ENPP6: variants seen among roughly 807,000 people sequenced by gnomAD.
ENPP6 encodes the protein ectonucleotide pyrophosphatase/phosphodiesterase 6.
ENPP6 carries 32 observed loss-of-function variants against 42.0 expected under a neutral mutation model. The ratio of observed to expected loss-of-function variants is 0.76; its 90% CI spans 0.58 to 1.02. ENPP6 has a LOEUF of 1.02. Ranked by LOEUF, ENPP6 falls within the 50% of genes least tolerant of loss-of-function variation. The pLI is 0.00. For missense variants in ENPP6, 552 were observed against 566.8 expected (o/e 0.97, Z 0.27); for synonymous variants, 213 against 216.0 (o/e 0.99, Z 0.12).
chr4:184,178,566 C>T (rs567327856), intron 1 of ENPP6, among the ~76,000 whole-genome samples: 1 of 152,284 alleles, frequency 6.6e-6, no homozygotes, highest in South Asian at 2.1e-4. Context: ...CCCTAAGACA[C>T]ATAATCATCA....
At chr4:184,103,283 G>A (rs1736035635) in intron 6 of ENPP6, among the ~76,000 whole-genome samples, 1 of 152,248 alleles carries the variant, frequency 6.6e-6, no homozygotes, top group Non-Finnish European at 1.5e-5. Context: ...CTCATGGGGT[G>A]TGGGGTCAGG....
chr4:184,102,267 C>T (rs1157327384), intron 6 of ENPP6, among the ~76,000 whole-genome samples: 1 of 152,072 alleles, frequency 6.6e-6, no homozygotes, highest in Non-Finnish European at 1.5e-5. Flanking sequence ...CTGGGGAGCA[C>T]ACTCAGAAAT....
At chr4:184,099,796 T>A (rs542400149) in intron 6 of ENPP6, among the ~76,000 whole-genome samples, 13 of 152,364 alleles carry the variant, frequency 8.5e-5, no homozygotes, top group African/African-American at 2.9e-4. Flanking sequence ...TCCTTATCTG[T>A]CCATGGTGAT....
At chr4:184,152,995 A>G (rs1737082024) in intron 2 of ENPP6, among the ~76,000 whole-genome samples, 2 of 151,836 alleles carry the variant, frequency 1.3e-5, no homozygotes, top group East Asian at 1.9e-4. Context: ...CATTTTGCAC[A>G]TGAAAAAAAG....
rs143356286 is a variant in ENPP6 at position 184,203,706 on chromosome 4, C to T, written c.241+13873G>A. On this transcript the variant is annotated intron_variant, in intron 1 of 7. Transcript: ENST00000296741. ...CTTGAGACTTCAGAGAGAACACGGCCCTGCCCGCACCTGGATTTCAGACTT... is the reference window on the plus strand; with the variant it reads ...CTTGAGACTTCAGAGAGAACACGGCTCTGCCCGCACCTGGATTTCAGACTT... Among the ~76,000 whole-genome samples the T allele has an allele frequency of 4.8e-3, 729 of 152,266 alleles. 8 individuals are homozygous for T. Among genetic ancestry groups the T allele is most frequent in the African/African-American group, 0.017 (697 of 41,540 alleles).
intron 1 of ENPP6, among the ~76,000 whole-genome samples, chr4:184,194,774 G>A (rs561154666): frequency 3.3e-5 from 5 of 152,318 alleles, no homozygotes; most frequent in Admixed American, 2.0e-4. Flanking sequence ...GAAGGCTGGC[G>A]TCATGGCACA....
At chr4:184,094,626 CA>C (rs1316020528) in intron 7 of ENPP6, among the ~76,000 whole-genome samples, 1 of 152,232 alleles carries the variant, frequency 6.6e-6, no homozygotes, top group Non-Finnish European at 1.5e-5. Flanking sequence ...ACAGAGAGTC[CA>C]AGTTATCCTC....
intron 1 of ENPP6, among the ~76,000 whole-genome samples, chr4:184,207,153 A>G (rs1427582760): frequency 1.3e-5 from 2 of 152,236 alleles, no homozygotes; most frequent in Non-Finnish European, 2.9e-5. Context: ...TGAAATAATA[A>G]TAATATACTG....
chr4:184,189,544 G>A (rs2111106669), intron 1 of ENPP6, among the ~76,000 whole-genome samples: 1 of 152,306 alleles, frequency 6.6e-6, no homozygotes, highest in South Asian at 2.1e-4. Context: ...CGCAGCACTG[G>A]CAGTGAACGG....
At chr4:184,196,250 A>T (rs2111111453) in intron 1 of ENPP6, among the ~76,000 whole-genome samples, 1 of 151,788 alleles carries the variant, frequency 6.6e-6, no homozygotes, top group South Asian at 2.1e-4. Context: ...CTTCACATAC[A>T]CTCTCAGAAA....
At chr4:184,143,919 T>C (rs994161435) in intron 2 of ENPP6, among the ~76,000 whole-genome samples, 5 of 152,210 alleles carry the variant, frequency 3.3e-5, no homozygotes, top group Admixed American at 6.5e-5. Context: ...GGCGCAGCTG[T>C]CTGCACACCA....
In ENPP6 at chr4:184,131,234, C is replaced by CTTT. The variant is rs766907900; in HGVS notation, c.422-6963_422-6962insAAA. ...TTTCTTTCTTTTTCTTTCTTTCTTT[C>CTTT]CTTTTCTTTCTTTCTTTCTCTTTCT... On this transcript the variant is annotated intron_variant, in intron 2 of 7. Transcript: ENST00000296741. 1.1e-3 allele frequency among the ~76,000 whole-genome samples: 80 copies of CTTT among 74,392 alleles called. 5 individuals are homozygous for CTTT. Among genetic ancestry groups the CTTT allele is most frequent in the Middle Eastern group, 5.7e-3 (1 of 174 alleles). The allele number at this position is 74,392 out of a possible 152,430, so 48.8% of individuals were successfully genotyped here. A position where few individuals can be genotyped will look rare whatever the true frequency, so the allele number is the denominator to read the frequency against.
chr4:184,147,377 C>G (rs1736944243), intron 2 of ENPP6, among the ~76,000 whole-genome samples: 1 of 152,136 alleles, frequency 6.6e-6, no homozygotes, highest in African/African-American at 2.4e-5. Context: ...CCCTGGATGT[C>G]TCCATTCCAT....
chr4:184,156,020 G>A (rs1225300691), intron 1 of ENPP6, among the ~76,000 whole-genome samples: 1 of 152,178 alleles, frequency 6.6e-6, no homozygotes, highest in Non-Finnish European at 1.5e-5. Flanking sequence ...GAGAGAGACA[G>A]AAACACAGAG....
chr4:184,108,150 G>T (rs1052193807), intron 6 of ENPP6, among the ~76,000 whole-genome samples: 3 of 152,120 alleles, frequency 2.0e-5, no homozygotes, highest in South Asian at 4.1e-4. Context: ...AGAAAGGAGT[G>T]GGGGACAGGA....
At chr4:184,126,483 C>T (rs779689943) in intron 2 of ENPP6, among the ~76,000 whole-genome samples, 20 of 152,124 alleles carry the variant, frequency 1.3e-4, no homozygotes, top group African/African-American at 2.2e-4. Flanking sequence ...AGCAGCCTAC[C>T]GTGGCTACCT....
intron 1 of ENPP6, among the ~76,000 whole-genome samples, chr4:184,208,557 G>A (rs187018688): frequency 6.6e-6 from 1 of 152,196 alleles, no homozygotes; most frequent in Admixed American, 6.5e-5. Context: ...CGGACCACGA[G>A]ATTATAACCC....
intron 6 of ENPP6, among the ~76,000 whole-genome samples, chr4:184,104,166 G>A (rs1736050707): frequency 6.6e-6 from 1 of 152,186 alleles, no homozygotes; most frequent in Non-Finnish European, 1.5e-5. Context: ...AGCTCAGGCA[G>A]GCCTGGACAA....
At chr4:184,121,931 G>C (rs1030445003) in intron 3 of ENPP6, among the ~76,000 whole-genome samples, 1 of 152,232 alleles carries the variant, frequency 6.6e-6, no homozygotes, top group Non-Finnish European at 1.5e-5. Flanking sequence ...GTTGGCTGAA[G>C]GAGGGGCTTC....
Sources: gnomAD v4.1 joint callset for allele counts (sites outside exome capture counted in the v4.1 genomes callset) on GRCh38, gnomAD v4.1.1 for gene constraint, MANE v1.5 for transcripts, NCBI Gene and HGNC (gene_info 2026-07-23, HGNC 2026-07-21) for gene names.